CNTN3: variants seen among roughly 807,000 people sequenced by gnomAD.
The protein encoded by CNTN3 is contactin-3.
CNTN3 carries 60 observed loss-of-function variants against 119.1 expected under a neutral mutation model. The ratio of observed to expected loss-of-function variants is 0.50; its 90% CI spans 0.41 to 0.62. The LOEUF is 0.62. CNTN3 is among the 20% of genes least tolerant of loss of function. The probability of loss-of-function intolerance (pLI) is 0.00; values close to 1 mark genes in which losing one functional copy is unlikely to be tolerated. For synonymous variants in CNTN3, 450 were observed against 438.7 expected, an observed-to-expected ratio of 1.03 and a Z score of -0.32; for missense variants, 1,101 against 1,242.4, an observed-to-expected ratio of 0.89 and a Z score of 1.71.
chr3:74,485,333 TAACTA>T, intron 4 of CNTN3, among the ~76,000 whole-genome samples: 1 of 152,050 alleles, frequency 6.6e-6, no homozygotes, highest in Non-Finnish European at 1.5e-5. Flanking sequence ...AACTTAAGGG[TAACTA>T]GTTGTATAAT....
intron 1 of CNTN3, among the ~76,000 whole-genome samples, chr3:74,539,881 C>T (rs1409864197): frequency 2.0e-5 from 3 of 152,052 alleles, no homozygotes; most frequent in East Asian, 1.9e-4. Flanking sequence ...TGTATTTGTT[C>T]GGAAAGGAGG....
At chr3:74,522,640 C>A (rs1703559686) in intron 1 of CNTN3, among the ~76,000 whole-genome samples, 1 of 151,754 alleles carries the variant, frequency 6.6e-6, no homozygotes, top group Admixed American at 6.6e-5. Context: ...TCCTATAGAA[C>A]CAATGCCTAA....
At chr3:74,348,222 G>T (rs1217351557) in intron 11 of CNTN3, among the ~76,000 whole-genome samples, 2 of 151,630 alleles carry the variant, frequency 1.3e-5, no homozygotes, top group Non-Finnish European at 2.9e-5. Context: ...ACTATGTGCG[G>T]TGATAGATAT....
chr3:74,428,810 C>A (rs1473195873), intron 4 of CNTN3, among the ~76,000 whole-genome samples: 2 of 152,202 alleles, frequency 1.3e-5, no homozygotes, highest in Non-Finnish European at 2.9e-5. Context: ...AAGCTCCATT[C>A]ATGGTAAGTG....
At chr3:74,486,769 A>C in intron 3 of CNTN3, 138 bp from the exon 4 acceptor site, 1 of 657,100 alleles carries the variant, frequency 1.5e-6, no homozygotes, top group Non-Finnish European at 2.4e-6. Context: ...TACATAACTG[A>C]AGATCAAATA....
chr3:74,312,411 G>T lies in CNTN3; in HGVS notation c.1669-9604C>A, dbSNP rs1332803182. ...GCGGAGCTTGCAGTGAGCTGAGATT[G>T]CACCACTGCACTCCAGCCTGGGTGA... is the stretch of plus-strand genomic sequence containing the variant. On this transcript the variant is annotated intron_variant, in intron 13 of 22. Coordinates refer to ENST00000263665, the MANE Select transcript of CNTN3 (RefSeq NM_020872.3). Among the ~76,000 whole-genome samples the T allele has an allele frequency of 3.5e-4, 45 of 127,398 alleles. No individual in the cohort carries two copies. In the Admixed American group the frequency reaches 4.4e-3, roughly 12 times the overall value. 83.6% of individuals were successfully genotyped at this position (127,398 alleles called of 152,430 possible). A position where few individuals can be genotyped will look rare whatever the true frequency, so the allele number is the denominator to read the frequency against.
At chr3:74,396,235 T>C (rs998433378) in intron 5 of CNTN3, among the ~76,000 whole-genome samples, 1 of 152,198 alleles carries the variant, frequency 6.6e-6, no homozygotes, top group African/African-American at 2.4e-5. Context: ...AGAGAGGTTA[T>C]GTCAAAAGCC....
At chr3:74,383,253 T>C (rs1411661146) in intron 5 of CNTN3, among the ~76,000 whole-genome samples, 1 of 152,210 alleles carries the variant, frequency 6.6e-6, no homozygotes, top group Non-Finnish European at 1.5e-5. Context: ...GTAGTAGCCA[T>C]ATTCTTGTTA....
chr3:74,267,141 T>C (rs1701676633), intron 21 of CNTN3, 125 bp downstream of exon 21: 1 of 588,930 alleles, frequency 1.7e-6, no homozygotes, highest in Non-Finnish European at 3.0e-6. Flanking sequence ...GAAAGCTTGG[T>C]ATCTTTGTCA....
In CNTN3 at chr3:74,278,308, T is replaced by G. The variant is rs1701921745; in HGVS notation, c.2704+6997A>C. Among the ~76,000 whole-genome samples, 2 of 152,022 alleles carry G rather than the reference T, an allele frequency of 1.3e-5. 1 individual carries two copies. The highest frequency in any genetic ancestry group is 4.1e-4 in the South Asian group (2 of 4,822). ...CAAAAAAGAGCCCAGAAAGCAAGAC[T>G]AAGCAAAAAGAACAAATCTAGAGGC... On this transcript the variant is annotated intron_variant, in intron 20 of 22. Coordinates refer to ENST00000263665, the MANE Select transcript of CNTN3 (RefSeq NM_020872.3).
intron 1 of CNTN3, among the ~76,000 whole-genome samples, chr3:74,607,188 CTT>C (rs57603010): frequency 0.046 from 7,065 of 152,216 alleles, 232 homozygotes; most frequent in South Asian, 0.12. Flanking sequence ...ACACAGCCGA[CTT>C]TGGTACAAAT....
intron 13 of CNTN3, among the ~76,000 whole-genome samples, chr3:74,316,749 C>A (rs191818503): frequency 1.3e-5 from 2 of 151,916 alleles, no homozygotes; most frequent in Non-Finnish European, 2.9e-5. Flanking sequence ...CACGGTGAAA[C>A]CCTGTCTCTA....
Position 74,301,657 on chromosome 3 carries a change from G to T in CNTN3, c.1935C>A (p.Thr645=), listed in dbSNP as rs146095571. Residue 645 remains threonine (T), a synonymous_variant, in exon 15 of 23, where the codon ACC becomes ACA. Transcript: ENST00000263665. ...CCTCTCCTGCTTTACCTGTTGTGAC[G>T]GTTTGCCAACCCACGGAGAAAGGTG... ...ARTPFSVGWQ[T]VTTVPEVIDG... The T allele has an allele frequency of 6.2e-7, 1 of 1,613,830 alleles. No individual in the cohort carries two copies. The highest frequency in any genetic ancestry group is 8.5e-7 in the Non-Finnish European group (1 of 1,179,964).
In CNTN3 at chr3:74,559,075, G is replaced by T. The variant is rs1575829111; in HGVS notation, c.-80-37883C>A. Among the ~76,000 whole-genome samples the T allele has an allele frequency of 2.0e-5, 3 of 151,568 alleles. No homozygotes were observed. In the South Asian group the frequency reaches 6.2e-4, roughly 32 times the overall value. On this transcript the variant is annotated intron_variant, in intron 1 of 22. Coordinates refer to ENST00000263665, the MANE Select transcript of CNTN3 (RefSeq NM_020872.3). Reference sequence around the variant, plus strand: ...GGCATAGAAAAGAACTAAGCATAGAGCTCAATAAAGATTAGCTATTATTAG... The same window carrying T: ...GGCATAGAAAAGAACTAAGCATAGATCTCAATAAAGATTAGCTATTATTAG...
chr3:74,406,000 C>T (rs925678971), intron 5 of CNTN3, among the ~76,000 whole-genome samples: 4 of 152,158 alleles, frequency 2.6e-5, no homozygotes, highest in Non-Finnish European at 5.9e-5. Context: ...AATCTTGATC[C>T]ACTTTAGGGG....
chr3:74,599,089 T>C (rs1023982087), intron 1 of CNTN3, among the ~76,000 whole-genome samples: 3 of 151,996 alleles, frequency 2.0e-5, no homozygotes, highest in Admixed American at 6.6e-5. Context: ...CCACATTGAG[T>C]GATGCTAAAA....
chr3:74,347,207 C>G lies in CNTN3; in HGVS notation c.1365-10549G>C, dbSNP rs1318046581. ...TAAGCATGAATTCAGCCAGCTCTAC[C>G]TCAAGAATACACAGTCTCTTTTTCT... On this transcript the variant is annotated intron_variant, in intron 11 of 22. Coordinates refer to ENST00000263665, the MANE Select transcript of CNTN3 (RefSeq NM_020872.3). 2.0e-5 allele frequency among the ~76,000 whole-genome samples: 3 copies of G among 152,274 alleles called. No individual in the cohort carries two copies. The East Asian group carries it at 5.8e-4, about 29-fold the overall frequency.
chr3:74,609,629 G>A (rs755087242), intron 1 of CNTN3, among the ~76,000 whole-genome samples: 22 of 152,092 alleles, frequency 1.4e-4, no homozygotes, highest in Non-Finnish European at 2.8e-4. Flanking sequence ...ACGAGATCAC[G>A]GGCAATGTGA....
chr3:74,291,986 A>G (rs1192023151), intron 19 of CNTN3, among the ~76,000 whole-genome samples: 1 of 152,110 alleles, frequency 6.6e-6, no homozygotes, highest in Non-Finnish European at 1.5e-5. Flanking sequence ...TGCCAATGTC[A>G]TTGGAAATTT....
Sources: allele counts gnomAD v4.1 joint callset (sites outside exome capture counted in the v4.1 genomes callset), GRCh38; gene constraint gnomAD v4.1.1; transcripts MANE v1.5; gene names NCBI Gene and HGNC (gene_info 2026-07-23, HGNC 2026-07-21).